Variants in PIK3C2G observed in about 807,000 individuals in gnomAD.
PIK3C2G encodes phosphatidylinositol 3-kinase C2 domain-containing subunit gamma.
PIK3C2G carries 168 observed loss-of-function variants against 181.1 expected under a neutral mutation model. The ratio of observed to expected loss-of-function variants is 0.93; its 90% CI spans 0.82 to 1.05. The LOEUF (loss-of-function observed/expected upper bound fraction) is 1.05. Ranked by LOEUF, PIK3C2G falls within the 50% of genes least tolerant of loss-of-function variation. PIK3C2G has a pLI of 0.00. For missense variants in PIK3C2G, 1,869 were observed against 1,732.8 expected, an observed-to-expected ratio of 1.08 and a Z score of -1.40; for synonymous variants, 573 against 592.2, an observed-to-expected ratio of 0.97 and a Z score of 0.47.
chr12:18,638,846 G>A (rs1275071217), intron 31 of PIK3C2G, among the ~76,000 whole-genome samples: 3 of 149,792 alleles, frequency 2.0e-5, no homozygotes, highest in African/African-American at 4.9e-5. Flanking sequence ...TACCCACTAA[G>A]TTGCAGTATC....
At chr12:18,538,924 A>T (rs147430780) in intron 25 of PIK3C2G, among the ~76,000 whole-genome samples, 1 of 151,980 alleles carries the variant, frequency 6.6e-6, no homozygotes. Flanking sequence ...GAGACCAGAT[A>T]TGTACCATGA....
chr12:18,515,820 T>C (rs1565467614), intron 24 of PIK3C2G, among the ~76,000 whole-genome samples: 1 of 152,004 alleles, frequency 6.6e-6, no homozygotes, highest in Non-Finnish European at 1.5e-5. Flanking sequence ...TTTAAATATC[T>C]TTCTATTTTG....
chr12:18,547,354 C>T (rs1459052477), intron 26 of PIK3C2G, among the ~76,000 whole-genome samples: 1 of 152,032 alleles, frequency 6.6e-6, no homozygotes, highest in African/African-American at 2.4e-5. Context: ...GGGAATTTCA[C>T]TTGGCTCAGG....
chr12:18,671,982 CCCA>C, the PIK3C2G span, among the ~76,000 whole-genome samples: 2 of 152,028 alleles, frequency 1.3e-5, no homozygotes, highest in African/African-American at 4.8e-5. Context: ...GGACACAAAT[CCCA>C]TACATGAGGG....
At chr12:18,482,243 C>T (rs1939640250) in intron 18 of PIK3C2G, among the ~76,000 whole-genome samples, 1 of 145,344 alleles carries the variant, frequency 6.9e-6, no homozygotes, top group Non-Finnish European at 1.5e-5. Context: ...TTATTTCACT[C>T]TTCTTCTCTT....
chr12:18,543,909 C>T (rs1944294168), intron 25 of PIK3C2G, among the ~76,000 whole-genome samples: 1 of 151,860 alleles, frequency 6.6e-6, no homozygotes, highest in Non-Finnish European at 1.5e-5. Context: ...AATACAAATC[C>T]AGTTCCTGTT....
intron 6 of PIK3C2G, among the ~76,000 whole-genome samples, chr12:18,315,623 C>T (rs1354425538): frequency 6.6e-6 from 1 of 152,098 alleles, no homozygotes; most frequent in East Asian, 1.9e-4. Flanking sequence ...ATTTCTATCA[C>T]ATTTAATCTT....
At chr12:18,465,242 G>C (rs1937731967) in intron 18 of PIK3C2G, among the ~76,000 whole-genome samples, 2 of 151,870 alleles carry the variant, frequency 1.3e-5, no homozygotes, top group African/African-American at 4.8e-5. Context: ...CGTACTTTAT[G>C]TGTGTTTCCA....
chr12:18,259,058 G>A (rs985523634), upstream of PIK3C2G, among the ~76,000 whole-genome samples: 1 of 152,024 alleles, frequency 6.6e-6, no homozygotes, highest in Non-Finnish European at 1.5e-5. Flanking sequence ...ACCTGTATCT[G>A]CCTTCATTTG....
At chr12:18,460,678 ATCAC>A (rs1947873646) in intron 18 of PIK3C2G, among the ~76,000 whole-genome samples, 2 of 149,970 alleles carry the variant, frequency 1.3e-5, no homozygotes, top group Admixed American at 1.3e-4. Context: ...GAATAATTAA[ATCAC>A]TCAGTACATC....
At chr12:18,253,787 C>T (rs1404647924) in intron 1 of PIK3C2G, among the ~76,000 whole-genome samples, 1 of 151,900 alleles carries the variant, frequency 6.6e-6, no homozygotes, top group East Asian at 1.9e-4. Flanking sequence ...ATTATCTGGC[C>T]ATTATGGTAA....
intron 11 of PIK3C2G, among the ~76,000 whole-genome samples, chr12:18,349,096 A>C (rs962937004): frequency 1.3e-5 from 2 of 152,198 alleles, no homozygotes; most frequent in African/African-American, 2.4e-5. Context: ...GAGAGAGTCC[A>C]TGAGCAAGGG....
intron 32 of PIK3C2G, among the ~76,000 whole-genome samples, chr12:18,645,428 G>GA (rs1020981585): frequency 2.6e-5 from 4 of 152,032 alleles, no homozygotes; most frequent in African/African-American, 9.7e-5. Flanking sequence ...GAAGCAGAGG[G>GA]AAAAAATATA....
At chr12:18,542,576 T>C (rs1944216091) in intron 25 of PIK3C2G, among the ~76,000 whole-genome samples, 1 of 151,808 alleles carries the variant, frequency 6.6e-6, no homozygotes, top group South Asian at 2.1e-4. Flanking sequence ...GCCCCTCAAG[T>C]AGATCCCAGT....
At chr12:18,456,220 T>C (rs1467747640) in intron 18 of PIK3C2G, among the ~76,000 whole-genome samples, 2 of 152,158 alleles carry the variant, frequency 1.3e-5, no homozygotes, top group Non-Finnish European at 2.9e-5. Flanking sequence ...ACATCGTTTG[T>C]CTGGGGTAAA....
chr12:18,533,394 A>G (rs1009666052), intron 24 of PIK3C2G, among the ~76,000 whole-genome samples: 2 of 152,092 alleles, frequency 1.3e-5, no homozygotes, highest in Non-Finnish European at 1.5e-5. Context: ...CTCTCATTCT[A>G]ATTATCGTGA....
intron 25 of PIK3C2G, among the ~76,000 whole-genome samples, chr12:18,541,601 C>T (rs1365025598): frequency 1.3e-5 from 2 of 151,848 alleles, no homozygotes; most frequent in African/African-American, 4.8e-5. Flanking sequence ...CTGAGCATAA[C>T]TGTTAAAATA....
At chr12:18,281,238 A>G (rs1475485392) in intron 1 of PIK3C2G, among the ~76,000 whole-genome samples, 2 of 149,660 alleles carry the variant, frequency 1.3e-5, no homozygotes, top group African/African-American at 4.9e-5. Context: ...AAAAGCCCTG[A>G]CAAGGATAAG....
the PIK3C2G span, among the ~76,000 whole-genome samples, chr12:18,668,716 C>T: frequency 6.6e-6 from 1 of 152,156 alleles, no homozygotes; most frequent in African/African-American, 2.4e-5. Flanking sequence ...GACCATTTAT[C>T]ACTCTCTGGG....
Sources: gnomAD v4.1 joint callset for allele counts (sites outside exome capture counted in the v4.1 genomes callset) on GRCh38, gnomAD v4.1.1 for gene constraint, MANE v1.5 for transcripts, NCBI Gene and HGNC (gene_info 2026-07-23, HGNC 2026-07-21) for gene names.